Variants in CAMSAP2 observed in about 807,000 individuals in gnomAD.
CAMSAP2 encodes calmodulin-regulated spectrin-associated protein 2.
A neutral mutation model predicts 146.1 loss-of-function variants in CAMSAP2; 26 were observed. The observed-to-expected ratio is 0.18, with a 90% CI of 0.13 to 0.25. The LOEUF is 0.25. CAMSAP2 is among the 10% of genes least tolerant of loss of function. The pLI is 1.00. For missense variants in CAMSAP2, 1,381 were observed against 1,759.3 expected (o/e 0.78, Z 3.85); for synonymous variants, 499 against 596.6 (o/e 0.84, Z 2.38).
intron 2 of CAMSAP2, among the ~76,000 whole-genome samples, chr1:200,762,092 T>C (rs1014566310): frequency 6.6e-6 from 1 of 152,206 alleles, no homozygotes; most frequent in Non-Finnish European, 1.5e-5. Context: ...AAGGTGTATA[T>C]GTAGAAAAGT....
chr1:200,851,910 C>T (rs1204664488), intron 11 of CAMSAP2, among the ~76,000 whole-genome samples: 1 of 152,178 alleles, frequency 6.6e-6, no homozygotes, highest in Non-Finnish European at 1.5e-5. Flanking sequence ...CTAGGGCTGT[C>T]CCTAAGGATT....
In CAMSAP2 at chr1:200,858,317, G is replaced by T; in HGVS notation, c.*258G>T. On this transcript the variant is annotated 3_prime_UTR_variant, in exon 17 of 17. Transcript: ENST00000358823. Reference sequence around the variant, plus strand: ...TTTGTATGTGTTATCAGGTTCACCTGCTTGATATTAGATACATTAAAGCAC... The same window carrying T: ...TTTGTATGTGTTATCAGGTTCACCTTCTTGATATTAGATACATTAAAGCAC... The T allele has an allele frequency of 2.7e-6, 1 of 365,126 alleles. No homozygotes were observed. Among genetic ancestry groups the T allele is most frequent in the East Asian group, 4.3e-5 (1 of 23,138 alleles). The allele number at this position is 365,126 out of a possible 1,614,324, so 22.6% of individuals were successfully genotyped here.
chr1:200,754,774 G>C (rs1022821513), intron 1 of CAMSAP2, among the ~76,000 whole-genome samples: 1 of 151,984 alleles, frequency 6.6e-6, no homozygotes, highest in Non-Finnish European at 1.5e-5. Flanking sequence ...AGTAGAGACG[G>C]GGTTTCACCG....
intron 4 of CAMSAP2, among the ~76,000 whole-genome samples, chr1:200,830,299 CTGTGTG>C (rs3081676): frequency 1.3e-4 from 19 of 150,606 alleles, no homozygotes; most frequent in East Asian, 9.7e-4. Flanking sequence ...TCATATAAAG[CTGTGTG>C]TGTGTGTGTG....
intron 1 of CAMSAP2, among the ~76,000 whole-genome samples, chr1:200,744,873 G>A (rs1474688875): frequency 2.0e-5 from 3 of 152,080 alleles, no homozygotes; most frequent in African/African-American, 7.2e-5. Context: ...ATGTAATGAA[G>A]CAGTGAGAGA....
Position 200,858,118 on chromosome 1 carries a change from C to T in CAMSAP2, c.*59C>T, listed in dbSNP as rs1353758992. 2.9e-6 allele frequency: 4 copies of T among 1,402,088 alleles called. No individual in the cohort carries two copies. The highest frequency in any genetic ancestry group is 3.8e-6 in the Non-Finnish European group (4 of 1,039,172). 86.9% of individuals were successfully genotyped at this position (1,402,088 alleles called of 1,614,324 possible). On this transcript the variant is annotated 3_prime_UTR_variant, in exon 17 of 17. Coordinates refer to ENST00000358823, the MANE Select transcript of CAMSAP2 (RefSeq NM_203459.4). ...GTAAATTTGCACTTCATCTTTCCTG[C>T]CTATAGAAAATCTTTCTAATTGCCA...
intron 4 of CAMSAP2, among the ~76,000 whole-genome samples, chr1:200,828,953 C>T (rs1411986097): frequency 6.6e-6 from 1 of 151,222 alleles, no homozygotes; most frequent in Non-Finnish European, 1.5e-5. Flanking sequence ...GTCAGGAGGT[C>T]GAGACCAGCC....
At position 200,773,079 on chromosome 1, in the gene CAMSAP2, G is replaced by C. The variant is rs61258653; in HGVS notation, c.399+11981G>C. Among the ~76,000 whole-genome samples the C allele has an allele frequency of 9.7e-3, 1,469 of 152,216 alleles. 31 individuals are homozygous for C. Among genetic ancestry groups the C allele is most frequent in the African/African-American group, 0.034 (1,403 of 41,542 alleles). On this transcript the variant is annotated intron_variant, in intron 2 of 16. Coordinates refer to ENST00000358823, the MANE Select transcript of CAMSAP2 (RefSeq NM_203459.4). ...TTAGATAATTCACTTTTGAATAGTG[G>C]AAGTTTTATATTCCTTTGTTTGTAA...
At chr1:200,804,347 A>C (rs1476713181) in intron 2 of CAMSAP2, among the ~76,000 whole-genome samples, 1 of 151,862 alleles carries the variant, frequency 6.6e-6, no homozygotes, top group African/African-American at 2.4e-5. Flanking sequence ...TATTGTACAC[A>C]TTTCCCTTAT....
intron 2 of CAMSAP2, among the ~76,000 whole-genome samples, chr1:200,803,076 A>G (rs1259879161): frequency 6.6e-6 from 1 of 152,176 alleles, no homozygotes; most frequent in Non-Finnish European, 1.5e-5. Context: ...ATGCTCTGCC[A>G]CCTGGTGGTT....
intron 2 of CAMSAP2, among the ~76,000 whole-genome samples, chr1:200,778,307 T>C (rs928214229): frequency 2.0e-5 from 3 of 152,208 alleles, no homozygotes; most frequent in Non-Finnish European, 4.4e-5. Flanking sequence ...GGAGGTTCTT[T>C]GTTTTGTTCC....
intron 1 of CAMSAP2, among the ~76,000 whole-genome samples, chr1:200,740,339 G>T (rs1427997130): frequency 6.6e-6 from 1 of 152,130 alleles, no homozygotes; most frequent in Non-Finnish European, 1.5e-5. Context: ...AGAAATCTGA[G>T]TTGGTTTCTT....
In CAMSAP2 at chr1:200,750,901, C is replaced by CT. The variant is rs55953656; in HGVS notation, c.140-9919dup. Among the ~76,000 whole-genome samples the CT allele has an allele frequency of 1.4e-3, 128 of 91,574 alleles. 1 individual carries two copies. Among genetic ancestry groups the CT allele is most frequent in the East Asian group, 0.011 (39 of 3,456 alleles). 60.1% of individuals were successfully genotyped at this position (91,574 alleles called of 152,430 possible). A position where few individuals can be genotyped will look rare whatever the true frequency, so the allele number is the denominator to read the frequency against. ...TATAGGCATGAGCCACCGCGCCTGC[C>CT]TTTTTTTTTTTTTTTTTTTGAGACA... On this transcript the variant is annotated intron_variant, in intron 1 of 16. Transcript: ENST00000358823.
At chr1:200,796,074 C>G (rs1665876507) in intron 2 of CAMSAP2, among the ~76,000 whole-genome samples, 1 of 152,190 alleles carries the variant, frequency 6.6e-6, no homozygotes, top group African/African-American at 2.4e-5. Flanking sequence ...TCATGAAAGT[C>G]ACCCCTCTTG....
At chr1:200,785,610 G>A (rs189863235) in intron 2 of CAMSAP2, among the ~76,000 whole-genome samples, 5 of 152,188 alleles carry the variant, frequency 3.3e-5, no homozygotes, top group Admixed American at 6.5e-5. Flanking sequence ...GGCCGGTCTC[G>A]AACTCGTGAC....
At chr1:200,771,300 T>TA (rs1021200982) in intron 2 of CAMSAP2, among the ~76,000 whole-genome samples, 1 of 152,160 alleles carries the variant, frequency 6.6e-6, no homozygotes, top group African/African-American at 2.4e-5. Flanking sequence ...ATTTTTTATT[T>TA]AAAAAATGTT....
At chr1:200,759,012 C>G (rs1243940375) in intron 1 of CAMSAP2, among the ~76,000 whole-genome samples, 1 of 152,152 alleles carries the variant, frequency 6.6e-6, no homozygotes, top group East Asian at 1.9e-4. Flanking sequence ...TGACACTGTC[C>G]TGTAAAACTG....
intron 3 of CAMSAP2, among the ~76,000 whole-genome samples, chr1:200,807,830 C>G (rs1003507429): frequency 3.3e-5 from 5 of 151,166 alleles, no homozygotes; most frequent in African/African-American, 9.7e-5. Context: ...AACCTCCGCC[C>G]TTCAGGTTCT....
At chr1:200,796,940 T>C (rs1244495498) in intron 2 of CAMSAP2, among the ~76,000 whole-genome samples, 13 of 152,054 alleles carry the variant, frequency 8.5e-5, no homozygotes, top group Non-Finnish European at 1.6e-4. Context: ...TTTGTTCTTG[T>C]GATAGTTTAC....
Sources: gnomAD v4.1 joint callset for allele counts (sites outside exome capture counted in the v4.1 genomes callset) on GRCh38, gnomAD v4.1.1 for gene constraint, MANE v1.5 for transcripts, NCBI Gene and HGNC (gene_info 2026-07-23, HGNC 2026-07-21) for gene names.